Variants in FOCAD observed in about 807,000 individuals in gnomAD.
FOCAD encodes focadhesin, also known as KIAA1797.
Under a neutral mutation model 225.6 loss-of-function variants are expected in FOCAD, and 198 were observed. The observed-to-expected ratio is 0.88, with a 90% CI of 0.78 to 0.99. The LOEUF (loss-of-function observed/expected upper bound fraction) is 0.99, where lower values mean the gene tolerates loss of function less well. Ranked by LOEUF, FOCAD falls within the 50% of genes least tolerant of loss-of-function variation. FOCAD has a pLI of 0.00. For missense variants in FOCAD, 2,713 were observed against 2,123.6 expected, an observed-to-expected ratio of 1.28 and a Z score of -5.46; for synonymous variants, 897 against 755.0, an observed-to-expected ratio of 1.19 and a Z score of -3.08.
intron 5 of FOCAD, among the ~76,000 whole-genome samples, chr9:20,755,248 A>G (rs1396260848): frequency 2.0e-5 from 3 of 152,200 alleles, no homozygotes; most frequent in Non-Finnish European, 4.4e-5. Context: ...TCAGTAATTA[A>G]TCTTTATGAT....
intron 29 of FOCAD, among the ~76,000 whole-genome samples, chr9:20,945,880 C>A (rs776954919): frequency 1.3e-5 from 2 of 151,968 alleles, no homozygotes; most frequent in Non-Finnish European, 2.9e-5. Context: ...TTTGTCTTAA[C>A]AGCATTCTTA....
intron 4 of FOCAD, among the ~76,000 whole-genome samples, chr9:20,728,247 G>A (rs1270715698): frequency 6.6e-6 from 1 of 152,078 alleles, no homozygotes; most frequent in Non-Finnish European, 1.5e-5. Flanking sequence ...AAGTGTTTCA[G>A]ATTTTATGTT....
chr9:20,774,592 A>C (rs10448160), intron 8 of FOCAD, among the ~76,000 whole-genome samples: 58,301 of 152,054 alleles, frequency 0.38, 11,409 homozygotes, highest in East Asian at 0.5. Context: ...AAATATTATG[A>C]ATTCATGAAT....
chr9:20,732,223 C>T (rs180757270), intron 4 of FOCAD, among the ~76,000 whole-genome samples: 9 of 152,214 alleles, frequency 5.9e-5, no homozygotes, highest in Admixed American at 3.9e-4. Context: ...GCCATAATTG[C>T]CTAGTTATAG....
At chr9:20,993,686 C>A (rs76435125) in intron 43 of FOCAD, among the ~76,000 whole-genome samples, 163 of 152,190 alleles carry the variant, frequency 1.1e-3, no homozygotes, top group African/African-American at 3.7e-3. Context: ...CATATTGAGG[C>A]TCAAAAAGTT....
chr9:20,766,328 C>A (rs1830050088), intron 7 of FOCAD, among the ~76,000 whole-genome samples: 1 of 152,174 alleles, frequency 6.6e-6, no homozygotes, highest in South Asian at 2.1e-4. Context: ...TTTAACAAAT[C>A]AGCTTTATTA....
At chr9:20,761,724 C>G (rs558583953) in intron 6 of FOCAD, among the ~76,000 whole-genome samples, 9 of 152,060 alleles carry the variant, frequency 5.9e-5, no homozygotes, top group Non-Finnish European at 2.9e-5. Flanking sequence ...CTGGCCCAAG[C>G]CTCCATTTTT....
chr9:20,916,250 T>A (rs1833854377), intron 23 of FOCAD, among the ~76,000 whole-genome samples: 1 of 152,190 alleles, frequency 6.6e-6, no homozygotes, highest in East Asian at 1.9e-4. Flanking sequence ...TTTTACTTCA[T>A]ATTGAAAATT....
At chr9:20,881,148 A>G (rs1014311186) in intron 19 of FOCAD, among the ~76,000 whole-genome samples, 3 of 152,220 alleles carry the variant, frequency 2.0e-5, no homozygotes, top group Non-Finnish European at 4.4e-5. Context: ...GGTTTTTCTG[A>G]AAACACTTAA....
chr9:20,765,700 G>A (rs1050664985), intron 7 of FOCAD, among the ~76,000 whole-genome samples: 7 of 152,210 alleles, frequency 4.6e-5, no homozygotes, highest in African/African-American at 1.7e-4. Context: ...TCAGGGGAAA[G>A]AGAAATTTGA....
At chr9:20,815,046 T>C (rs1587276681) in intron 11 of FOCAD, among the ~76,000 whole-genome samples, 1 of 151,746 alleles carries the variant, frequency 6.6e-6, no homozygotes, top group African/African-American at 2.4e-5. Context: ...CTACTTTTAG[T>C]ATTTTTTGTA....
intron 11 of FOCAD, among the ~76,000 whole-genome samples, chr9:20,814,409 A>G (rs891046749): frequency 3.3e-5 from 5 of 150,306 alleles, no homozygotes; most frequent in African/African-American, 4.9e-5. Context: ...AGGCTGGAGT[A>G]TAGTGGCACG....
Position 20,882,286 on chromosome 9 carries a change from C to T in FOCAD, c.2503+230C>T, listed in dbSNP as rs577179322. ...ATAACATTTTAGAACTGTTTTCTCC[C>T]CACCTTGGGGGATACCCACTCAGCC... On this transcript the variant is annotated intron_variant, in intron 20 of 43. Transcript: ENST00000338382. Among the ~76,000 whole-genome samples, 9 of 152,260 alleles carry T rather than the reference C, an allele frequency of 5.9e-5. No homozygotes were observed. The South Asian group carries it at 1.9e-3, about 32-fold the overall frequency.
intron 8 of FOCAD, among the ~76,000 whole-genome samples, chr9:20,771,611 T>C (rs994329532): frequency 1.3e-5 from 2 of 151,974 alleles, no homozygotes; most frequent in East Asian, 3.9e-4. Context: ...ATACAAAAAA[T>C]TAGCTGGGTG....
chr9:20,783,160 T>C (rs923148430), intron 10 of FOCAD, among the ~76,000 whole-genome samples: 1 of 152,172 alleles, frequency 6.6e-6, no homozygotes, highest in Non-Finnish European at 1.5e-5. Context: ...TCACCCCAAC[T>C]CTAATACATA....
intron 30 of FOCAD, 73 bp downstream of exon 30, chr9:20,946,893 C>G (rs1446005124): frequency 3.2e-6 from 5 of 1,574,232 alleles, no homozygotes; most frequent in East Asian, 4.5e-5. Context: ...TTGACTTACT[C>G]TGAATTAGAG....
chr9:20,981,829 A>G, intron 38 of FOCAD, 143 bp downstream of exon 38: 1 of 943,444 alleles, frequency 1.1e-6, no homozygotes. Context: ...CTAGGAGTGT[A>G]TTTGTTTCCA....
In FOCAD at chr9:20,885,202, A is replaced by G. The variant is rs199505982; in HGVS notation, c.2597A>G (p.Lys866Arg). 3 of 1,537,648 alleles carry G rather than the reference A, an allele frequency of 2.0e-6. No homozygotes were observed. Among genetic ancestry groups the G allele is most frequent in the Non-Finnish European group, 2.6e-6 (3 of 1,139,506 alleles). The change falls in exon 21 of 44, where the codon AAG becomes AGG. Residue 866 changes from lysine (K) to arginine (R), a missense_variant. By Grantham distance (26) the Lys-to-Arg change is conservative (BLOSUM62 2). Coordinates refer to ENST00000338382, the MANE Select transcript of FOCAD (RefSeq NM_001375567.1). ...RLMASRGRSF[K>R]QTSLALVHEV... ...ATGGCCAGCAGAGGGCGAAGTTTCA[A>G]GCAGACTTCACTTGCTCTTGTACAT...
chr9:20,885,078 TA>T, intron 20 of FOCAD, 30 bp from the exon 21 acceptor site: 1 of 1,257,010 alleles, frequency 8.0e-7, no homozygotes, highest in Non-Finnish European at 1.0e-6. Flanking sequence ...AAAATAAAAA[TA>T]AAATAAAGTC....
Sources: allele counts gnomAD v4.1 joint callset (sites outside exome capture counted in the v4.1 genomes callset), GRCh38; gene constraint gnomAD v4.1.1; transcripts MANE v1.5; gene names NCBI Gene and HGNC (gene_info 2026-07-23, HGNC 2026-07-21).